CADPS2: variants seen among roughly 807,000 people sequenced by gnomAD.
CADPS2 encodes calcium-dependent secretion activator 2.
A neutral mutation model predicts 172.5 loss-of-function variants in CADPS2; 93 were observed. The ratio of observed to expected loss-of-function variants is 0.54; its 90% CI spans 0.46 to 0.64. The LOEUF (loss-of-function observed/expected upper bound fraction) is 0.64. Ranked by LOEUF, CADPS2 falls within the 30% of genes least tolerant of loss-of-function variation. CADPS2 has a pLI of 0.00. For synonymous variants in CADPS2, 546 were observed against 555.2 expected (o/e 0.98, Z 0.23); for missense variants, 1,420 against 1,565.9 (o/e 0.91, Z 1.57).
At chr7:122,373,837 C>T (rs533723619) in intron 25 of CADPS2, among the ~76,000 whole-genome samples, 4 of 151,980 alleles carry the variant, frequency 2.6e-5, no homozygotes, top group Non-Finnish European at 5.9e-5. Flanking sequence ...AGAATTAATG[C>T]CAATTCTCTT....
intron 8 of CADPS2, among the ~76,000 whole-genome samples, chr7:122,534,726 A>T (rs1374082446): frequency 6.6e-6 from 1 of 152,128 alleles, no homozygotes; most frequent in African/African-American, 2.4e-5. Flanking sequence ...ATTTTTAATA[A>T]ATGACATGAA....
chr7:122,744,130 T>C (rs896564070), intron 1 of CADPS2, among the ~76,000 whole-genome samples: 2 of 152,230 alleles, frequency 1.3e-5, no homozygotes, highest in South Asian at 4.1e-4. Flanking sequence ...TCCAGGAAAC[T>C]GTAACAGGTG....
At chr7:122,855,203 G>C (rs1019554281) in intron 1 of CADPS2, among the ~76,000 whole-genome samples, 3 of 152,278 alleles carry the variant, frequency 2.0e-5, no homozygotes, top group Admixed American at 6.5e-5. Context: ...TATAGTAGTA[G>C]TATTCATTAG....
chr7:122,610,240 G>A (rs747650577), intron 6 of CADPS2, among the ~76,000 whole-genome samples: 91 of 151,574 alleles, frequency 6.0e-4, no homozygotes, highest in Non-Finnish European at 1.2e-3. Flanking sequence ...TCATGCACTT[G>A]TTCCCCAATA....
chr7:122,663,181 T>C (rs1164835839), intron 3 of CADPS2, 56 bp downstream of exon 3: 2 of 1,274,308 alleles, frequency 1.6e-6, no homozygotes, highest in Non-Finnish European at 2.2e-6. Flanking sequence ...TTGTAAATAC[T>C]TCATGTTCAT....
At chr7:122,789,387 G>C (rs1794776913) in intron 1 of CADPS2, among the ~76,000 whole-genome samples, 1 of 152,190 alleles carries the variant, frequency 6.6e-6, no homozygotes, top group Non-Finnish European at 1.5e-5. Flanking sequence ...CCAGTAATTA[G>C]TAGTAAGAGC....
At chr7:122,461,399 T>C (rs2054410137) in intron 14 of CADPS2, among the ~76,000 whole-genome samples, 1 of 152,140 alleles carries the variant, frequency 6.6e-6, no homozygotes, top group South Asian at 2.1e-4. Context: ...CTATACAATA[T>C]CATGGCAGGT....
rs2032097173 is a variant in CADPS2, at chr7:122,320,189, G to C, written c.3867C>G (p.Asp1289Glu). 4 of 1,607,400 alleles carry C rather than the reference G, an allele frequency of 2.5e-6. No homozygotes were observed. The highest frequency in any genetic ancestry group is 2.5e-6 in the Non-Finnish European group (3 of 1,177,122). Residue 1289 changes from aspartate (D) to glutamate (E), a missense_variant, in exon 30 of 30, where the codon GAC becomes GAG. Physicochemically the swap from Asp to Glu is conservative, Grantham distance 45 (BLOSUM62 2). Transcript: ENST00000449022. The stretch of plus-strand genomic sequence containing the variant: ...ATCAGCCTTCTTCTTCTTCGTCACT[G>C]TCTTTCATAGTAATGCCCTGAAGTC... The part of the protein sequence containing the change: ...GGGLQGITMK[D>E]SDEEEEG
chr7:122,404,716 T>C (rs772960743), intron 20 of CADPS2, among the ~76,000 whole-genome samples: 32 of 152,320 alleles, frequency 2.1e-4, no homozygotes, highest in Non-Finnish European at 3.8e-4. Context: ...CTCATTGTGG[T>C]TTTGATTTGC....
intron 2 of CADPS2, among the ~76,000 whole-genome samples, chr7:122,713,415 C>T (rs2089083792): frequency 6.6e-6 from 1 of 151,960 alleles, no homozygotes; most frequent in African/African-American, 2.4e-5. Context: ...TTTGGGACTC[C>T]CATGAGGATT....
chr7:122,382,590 T>C (rs1292818631), intron 24 of CADPS2, among the ~76,000 whole-genome samples: 1 of 152,140 alleles, frequency 6.6e-6, no homozygotes, highest in Non-Finnish European at 1.5e-5. Context: ...TTGATAGGTT[T>C]TTTTTCCCAT....
In CADPS2 at chr7:122,486,933, C is replaced by T. The variant is rs897279539; in HGVS notation, c.1852+3148G>A. The stretch of plus-strand genomic sequence containing the variant: ...TGAAGTCTCAGGTGATTATTTTTAG[C>T]AATAAAGAATTTTAAAATTATGTTT... On this transcript the variant is annotated intron_variant, in intron 11 of 29. Coordinates refer to ENST00000449022, the MANE Select transcript of CADPS2 (RefSeq NM_017954.11). Among the ~76,000 whole-genome samples, 2 of 148,950 alleles carry T rather than the reference C, an allele frequency of 1.3e-5. 1 individual carries two copies. Among genetic ancestry groups the T allele is most frequent in the Admixed American group, 1.3e-4 (2 of 14,920 alleles).
At chr7:122,359,570 T>C (rs2039867318) in intron 27 of CADPS2, among the ~76,000 whole-genome samples, 1 of 152,162 alleles carries the variant, frequency 6.6e-6, no homozygotes, top group South Asian at 2.1e-4. Context: ...AAAAACTATG[T>C]GTGTTACAAA....
At chr7:122,705,808 AT>A (rs2087102429) in intron 2 of CADPS2, among the ~76,000 whole-genome samples, 1 of 19,694 alleles carries the variant, frequency 5.1e-5, no homozygotes, top group Non-Finnish European at 1.0e-4. Context: ...TATAATATAT[AT>A]GATATATAAT....
intron 1 of CADPS2, among the ~76,000 whole-genome samples, chr7:122,879,856 C>T (rs1822391262): frequency 6.6e-6 from 1 of 152,180 alleles, no homozygotes; most frequent in Non-Finnish European, 1.5e-5. Flanking sequence ...TGCAAACCAA[C>T]AACGTACCTT....
intron 6 of CADPS2, among the ~76,000 whole-genome samples, chr7:122,595,023 AAT>A (rs1289717754): frequency 6.6e-6 from 1 of 151,954 alleles, no homozygotes; most frequent in Non-Finnish European, 1.5e-5. Context: ...ATACACCAAT[AAT>A]CAGTCATCTA....
intron 9 of CADPS2, among the ~76,000 whole-genome samples, chr7:122,495,716 T>C (rs1035430033): frequency 2.0e-5 from 3 of 152,200 alleles, no homozygotes. Context: ...TCATCTTTAC[T>C]GAATGTTGCC....
At chr7:122,410,629 T>C (rs2151700644) in intron 19 of CADPS2, among the ~76,000 whole-genome samples, 1 of 152,264 alleles carries the variant, frequency 6.6e-6, no homozygotes, top group African/African-American at 2.4e-5. Context: ...ATACTTGCCC[T>C]AACCTCTCCC....
intron 2 of CADPS2, among the ~76,000 whole-genome samples, chr7:122,670,942 G>GTGC (rs2081773428): frequency 6.7e-6 from 1 of 149,504 alleles, no homozygotes; most frequent in Non-Finnish European, 1.5e-5. Flanking sequence ...CTGGATCTCC[G>GTGC]TGCTCCAGTC....
Sources: gnomAD v4.1 joint callset for allele counts (sites outside exome capture counted in the v4.1 genomes callset) on GRCh38, gnomAD v4.1.1 for gene constraint, MANE v1.5 for transcripts, NCBI Gene and HGNC (gene_info 2026-07-23, HGNC 2026-07-21) for gene names.